REDIC1: variants seen among roughly 807,000 people sequenced by gnomAD.
REDIC1 encodes the protein HEI10 Interacting Protein 1.
chr12:39,672,157 G>A, the REDIC1 span, among the ~76,000 whole-genome samples: 1 of 152,168 alleles, frequency 6.6e-6, no homozygotes, highest in Non-Finnish European at 1.5e-5. Context: ...AGGGGTGGCT[G>A]ATGGGGCAAG....
chr12:39,839,143 A>G, the REDIC1 span, among the ~76,000 whole-genome samples: 33 of 151,886 alleles, frequency 2.2e-4, 1 homozygote, highest in Admixed American at 2.2e-3. Context: ...CACTGCTCTC[A>G]CCAGCTTCAG....
chr12:39,682,273 G>A, the REDIC1 span, among the ~76,000 whole-genome samples: 3 of 152,070 alleles, frequency 2.0e-5, no homozygotes, highest in Admixed American at 6.6e-5. Flanking sequence ...AAATGGAACA[G>A]CAATGACATA....
chr12:39,886,075 A>G, the REDIC1 span, among the ~76,000 whole-genome samples: 1 of 152,200 alleles, frequency 6.6e-6, no homozygotes, highest in Admixed American at 6.6e-5. Context: ...CTTCTGAAAT[A>G]AACAGGTCAA....
chr12:39,779,966 T>C, the REDIC1 span, among the ~76,000 whole-genome samples: 12 of 152,366 alleles, frequency 7.9e-5, no homozygotes, highest in East Asian at 2.3e-3. Context: ...CTTTCTTTAT[T>C]GGATTCTTTT....
the REDIC1 span, among the ~76,000 whole-genome samples, chr12:39,774,163 G>A: frequency 6.6e-6 from 1 of 152,122 alleles, no homozygotes; most frequent in Non-Finnish European, 1.5e-5. Flanking sequence ...TGGTGAAAAC[G>A]TACCTAGGAA....
the REDIC1 span, among the ~76,000 whole-genome samples, chr12:39,803,002 C>G: frequency 6.6e-6 from 1 of 152,066 alleles, no homozygotes; most frequent in African/African-American, 2.4e-5. Context: ...AGGTATCTTC[C>G]ATGGGCCCCT....
the REDIC1 span, among the ~76,000 whole-genome samples, chr12:39,901,158 C>A: frequency 2.6e-5 from 4 of 152,276 alleles, no homozygotes; most frequent in East Asian, 5.8e-4. Context: ...GAAACTGGAT[C>A]CCTTCCTTAC....
At chr12:39,702,728 T>C in the REDIC1 span, among the ~76,000 whole-genome samples, 2 of 152,342 alleles carry the variant, frequency 1.3e-5, no homozygotes, top group South Asian at 4.1e-4. Flanking sequence ...TGAAAAAGCT[T>C]ATCCACCATG....
At chr12:39,858,569 G>A in the REDIC1 span, among the ~76,000 whole-genome samples, 1 of 152,114 alleles carries the variant, frequency 6.6e-6, no homozygotes, top group Non-Finnish European at 1.5e-5. Context: ...GTCAAATACT[G>A]GGGAAAAAAG....
At chr12:39,773,273 AATCAG>A in the REDIC1 span, among the ~76,000 whole-genome samples, 1 of 152,190 alleles carries the variant, frequency 6.6e-6, no homozygotes, top group Non-Finnish European at 1.5e-5. Flanking sequence ...AATTGCATGC[AATCAG>A]GTGAAATATG....
chr12:39,631,772 T>A, the REDIC1 span, among the ~76,000 whole-genome samples: 1 of 152,194 alleles, frequency 6.6e-6, no homozygotes, highest in Non-Finnish European at 1.5e-5. Flanking sequence ...TGATTAAAAG[T>A]TCAACAGTTT....
the REDIC1 span, among the ~76,000 whole-genome samples, chr12:39,841,006 T>C: frequency 1.3e-5 from 2 of 152,256 alleles, no homozygotes; most frequent in African/African-American, 4.8e-5. Context: ...AATCACACCA[T>C]GAATTGTTCC....
the REDIC1 span, among the ~76,000 whole-genome samples, chr12:39,666,579 A>C: frequency 6.6e-6 from 1 of 152,252 alleles, no homozygotes; most frequent in Admixed American, 6.5e-5. Flanking sequence ...TGCTAGCCTC[A>C]TAAAATGAGT....
At chr12:39,650,255 G>T in the REDIC1 span, 3 of 1,609,246 alleles carry the variant, frequency 1.9e-6, no homozygotes, top group Non-Finnish European at 2.5e-6. The surrounding 1 kb of genome is among the most constrained non-coding windows in gnomAD (Gnocchi z 4.3). Flanking sequence ...ACTGTTAACT[G>T]TTCTGATTCC....
the REDIC1 span, among the ~76,000 whole-genome samples, chr12:39,627,411 A>G: frequency 6.6e-6 from 1 of 152,210 alleles, no homozygotes; most frequent in South Asian, 2.1e-4. Context: ...TAAAATATTA[A>G]ATAGGATTAT....
At chr12:39,907,628 C>T in the REDIC1 span, 1 of 152,046 alleles carries the variant, frequency 6.6e-6, no homozygotes, top group Non-Finnish European at 1.5e-5. Context: ...ATTCCTCTAC[C>T]CATAGATTAC....
chr12:39,865,599 T>C, the REDIC1 span, among the ~76,000 whole-genome samples: 1 of 152,200 alleles, frequency 6.6e-6, no homozygotes, highest in Non-Finnish European at 1.5e-5. Context: ...ATTTTTCAAG[T>C]TTCTGACTAT....
chr12:39,643,999 G>A, the REDIC1 span: 1 of 1,140,096 alleles, frequency 8.8e-7, no homozygotes, highest in Non-Finnish European at 1.2e-6. Flanking sequence ...TGTAATTTTT[G>A]AGCTCAAAGC....
chr12:39,730,942 T>C, the REDIC1 span, among the ~76,000 whole-genome samples: 1 of 152,066 alleles, frequency 6.6e-6, no homozygotes, highest in Admixed American at 6.6e-5. Context: ...GCTTGATTGA[T>C]TTGGCTATTG....
Sources: allele counts gnomAD v4.1 joint callset (sites outside exome capture counted in the v4.1 genomes callset), GRCh38; gene constraint gnomAD v4.1.1; non-coding constraint Gnocchi (gnomAD v3.1); transcripts MANE v1.5; gene names NCBI Gene and HGNC (gene_info 2026-07-23, HGNC 2026-07-21).